Variants in MAP3K8 observed in about 807,000 individuals in gnomAD.
The protein encoded by MAP3K8 is Ewing sarcoma transformant.
Under a neutral mutation model 45.8 loss-of-function variants are expected in MAP3K8, and 22 were observed. The observed-to-expected ratio is 0.48, with a 90% CI of 0.34 to 0.69. MAP3K8 has a LOEUF of 0.69. Among genes scored for constraint, MAP3K8 ranks in the 30% least tolerant of loss-of-function variants. The pLI, the probability that MAP3K8 is intolerant of heterozygous loss-of-function variation, is 0.01. For missense variants in MAP3K8, 419 were observed against 585.0 expected (o/e 0.72, Z 2.93); for synonymous variants, 223 against 214.3 (o/e 1.04, Z -0.36).
At position 30,447,784 on chromosome 10, in the gene MAP3K8, C is replaced by A; in HGVS notation, c.339C>A (p.Val113=). 3 of 1,613,152 alleles carry A rather than the reference C, an allele frequency of 1.9e-6. No homozygotes were observed. Among genetic ancestry groups the A allele is most frequent in the South Asian group, 1.1e-5 (1 of 90,902 alleles). ...CTCACATTTTTATTTTGTTGTAGGT[C>A]ATCACTCCCCAAAATGGACGTTACC... ...PQESGILLNM[V]ITPQNGRYQI... is the part of the protein sequence containing the mutation. The change falls in exon 4 of 9, where the codon GTC becomes GTA. Residue 113 remains valine, a splice_region_variant and synonymous_variant. Transcript: ENST00000263056.
Position 30,459,332 on chromosome 10 carries a change from C to T in MAP3K8, c.1104C>T (p.Ser368=). 6.2e-7 allele frequency: 1 copy of T among 1,614,138 alleles called. No homozygotes were observed. Among genetic ancestry groups the T allele is most frequent in the Non-Finnish European group, 8.5e-7 (1 of 1,180,028 alleles). The change falls in exon 8 of 9, where the codon TCC becomes TCT. Residue 368 remains serine, a synonymous_variant. Transcript: ENST00000263056. ...GGATGAGAGAGCTGATAGAAGCTTC[C>T]CTGGAGAGAAACCCCAATCACCGCC... ...SPGMRELIEA[S]LERNPNHRPR... is the part of the protein sequence containing the mutation.
chr10:30,439,379 C>A, intron 3 of MAP3K8, 105 bp downstream of exon 3: 1 of 1,478,100 alleles, frequency 6.8e-7, no homozygotes, highest in South Asian at 1.4e-5. Context: ...GGCTGGCAGG[C>A]ATGATTTTAA....
chr10:30,460,285 A>G (rs1418033338), intron 8 of MAP3K8, among the ~76,000 whole-genome samples: 2 of 152,196 alleles, frequency 1.3e-5, no homozygotes, highest in Non-Finnish European at 2.9e-5. Flanking sequence ...AATTTTTCCC[A>G]CTTAGGAAAG....
At chr10:30,441,526 T>G (rs1327871292) in intron 3 of MAP3K8, among the ~76,000 whole-genome samples, 2 of 152,174 alleles carry the variant, frequency 1.3e-5, no homozygotes, top group African/African-American at 4.8e-5. Flanking sequence ...AAAAAGATTT[T>G]TATTTTAAAA....
chr10:30,448,470 T>C (rs1404640674), intron 4 of MAP3K8, among the ~76,000 whole-genome samples: 3 of 148,590 alleles, frequency 2.0e-5, no homozygotes, highest in African/African-American at 7.4e-5. Context: ...TCTTGCTCTG[T>C]TGTCCAGGCT....
chr10:30,439,358 T>C (rs1836020747), intron 3 of MAP3K8, 84 bp downstream of exon 3: 3 of 1,555,132 alleles, frequency 1.9e-6, no homozygotes, highest in East Asian at 2.3e-5. Flanking sequence ...TGTTTGAATT[T>C]GGCTTAGATG....
At chr10:30,435,298 G>T (rs1835876199) in intron 1 of MAP3K8, among the ~76,000 whole-genome samples, 1 of 152,194 alleles carries the variant, frequency 6.6e-6, no homozygotes, top group Admixed American at 6.5e-5. Context: ...TCCACTTCCA[G>T]CTGACGCCCC....
chr10:30,449,115 A>G (rs1288688558), intron 4 of MAP3K8, among the ~76,000 whole-genome samples: 2 of 152,260 alleles, frequency 1.3e-5, no homozygotes, highest in African/African-American at 4.8e-5. Flanking sequence ...ATTTATATAA[A>G]GGACCAAAAC....
rs769419375 is a variant in MAP3K8 at position 30,447,854 on chromosome 10, A to G, written c.409A>G (p.Arg137Gly). ...VLLIPWKLTY[R>G]NIGSDFIPRG... ...CCTGATCCCCTGGAAGCTGACTTAC[A>G]GGAATATTGGTTCTGATTTTATTCC... Residue 137 changes from arginine to glycine, a missense_variant, in exon 4 of 9, where the codon AGG becomes GGG. Physicochemically the swap from Arg to Gly is moderately radical, Grantham distance 125 (BLOSUM62 -2). Transcript: ENST00000263056. 2 of 1,613,978 alleles carry G rather than the reference A, an allele frequency of 1.2e-6. No individual in the cohort carries two copies. The highest frequency in any genetic ancestry group is 1.7e-6 in the Non-Finnish European group (2 of 1,179,904).
chr10:30,434,354 C>T lies in MAP3K8; in HGVS notation c.-279C>T. 1.4e-6 allele frequency: 1 copy of T among 731,286 alleles called. No homozygotes were observed. Among genetic ancestry groups the T allele is most frequent in the Non-Finnish European group, 1.7e-6 (1 of 597,474 alleles). The allele number at this position is 731,286 out of a possible 1,614,324, so 45.3% of individuals were successfully genotyped here. ...GGGGGCCGCGGCTGGAGCGCTCGGC[C>T]GGCGTGGGAGCGCCAAGGCCGCAGG... is the stretch of plus-strand genomic sequence containing the variant. On this transcript the variant is annotated 5_prime_UTR_variant, in exon 1 of 9. Coordinates refer to ENST00000263056, the MANE Select transcript of MAP3K8 (RefSeq NM_005204.4).
chr10:30,455,165 TTATAAA>T (rs1261990679), intron 6 of MAP3K8, among the ~76,000 whole-genome samples: 4 of 152,302 alleles, frequency 2.6e-5, no homozygotes, highest in Non-Finnish European at 5.9e-5. Context: ...GCCTTGGTGT[TTATAAA>T]TATAAACTCT....
chr10:30,434,761 C>T (rs1835859840), intron 1 of MAP3K8: 3 of 985,526 alleles, frequency 3.0e-6, no homozygotes, highest in Non-Finnish European at 3.6e-6. Context: ...GAGTGCAGCT[C>T]GGAGGCTGGA....
chr10:30,442,102 G>A (rs1484489673), intron 3 of MAP3K8, among the ~76,000 whole-genome samples: 2 of 152,246 alleles, frequency 1.3e-5, no homozygotes, highest in African/African-American at 4.8e-5. Flanking sequence ...CATCTGCAGT[G>A]CGTCGGGTGC....
At chr10:30,452,023 C>A (rs575249893) in intron 6 of MAP3K8, among the ~76,000 whole-genome samples, 12 of 151,928 alleles carry the variant, frequency 7.9e-5, no homozygotes, top group Non-Finnish European at 1.2e-4. Flanking sequence ...AACATTTGTA[C>A]ACAATGTCAT....
At position 30,450,520 on chromosome 10, in the gene MAP3K8, G is replaced by A. The variant is rs1329230545; in HGVS notation, c.766+1G>A. 1.2e-6 allele frequency: 2 copies of A among 1,613,866 alleles called. No individual in the cohort carries two copies. The highest frequency in any genetic ancestry group is 1.7e-6 in the Non-Finnish European group (2 of 1,179,800). On this transcript the variant is annotated splice_donor_variant, in intron 5 of 8. Transcript: ENST00000263056. LOFTEE classifies it high-confidence loss of function. ...AAAGTGATCCATCATGATATTAAAC[G>A]TAAGTATCTTTGGACATATACCTTT...
intron 7 of MAP3K8, among the ~76,000 whole-genome samples, chr10:30,458,441 A>G (rs1836824535): frequency 6.6e-6 from 1 of 152,278 alleles, no homozygotes; most frequent in Non-Finnish European, 1.5e-5. Context: ...GTGGGAGCTT[A>G]CTAAAATGTG....
Position 30,450,513 on chromosome 10 carries a change from A to G in MAP3K8, c.760A>G (p.Ile254Val). The G allele has an allele frequency of 6.2e-7, 1 of 1,614,084 alleles. No homozygotes were observed. The highest frequency in any genetic ancestry group is 1.1e-5 in the South Asian group (1 of 91,070). ...CTCAAAGAAAGTGATCCATCATGAT[A>G]TTAAACGTAAGTATCTTTGGACATA... ...LHSKKVIHHDIKPSNIVFMST... is the reference protein window; with the variant it reads ...LHSKKVIHHDVKPSNIVFMST... Residue 254 changes from isoleucine to valine, a missense_variant, in exon 5 of 9, where the codon ATT becomes GTT. Coordinates refer to ENST00000263056, the MANE Select transcript of MAP3K8 (RefSeq NM_005204.4).
chr10:30,442,513 G>A (rs570320907), intron 3 of MAP3K8, among the ~76,000 whole-genome samples: 3 of 152,314 alleles, frequency 2.0e-5, no homozygotes, highest in Admixed American at 6.5e-5. Flanking sequence ...GCATCCTGAA[G>A]AACAGGCATG....
At chr10:30,456,306 T>G (rs1836726682) in intron 6 of MAP3K8, among the ~76,000 whole-genome samples, 1 of 152,222 alleles carries the variant, frequency 6.6e-6, no homozygotes, top group Non-Finnish European at 1.5e-5. Flanking sequence ...TTTTTAAGTT[T>G]GTGATATATT....
Sources: allele counts gnomAD v4.1 joint callset (sites outside exome capture counted in the v4.1 genomes callset), GRCh38; gene constraint gnomAD v4.1.1; transcripts MANE v1.5; gene names NCBI Gene and HGNC (gene_info 2026-07-23, HGNC 2026-07-21).